CTIF: variants seen among roughly 807,000 people sequenced by gnomAD.
The protein encoded by CTIF is CBP80/20-dependent translation initiation factor.
A neutral mutation model predicts 66.0 loss-of-function variants in CTIF; 21 were observed. The observed-to-expected ratio is 0.32, with a 90% CI of 0.23 to 0.46. The LOEUF is 0.46. Among genes scored for constraint, CTIF ranks in the 20% least tolerant of loss-of-function variants. The pLI is 1.00. For missense variants in CTIF, 739 were observed against 812.7 expected, an observed-to-expected ratio of 0.91 and a Z score of 1.10; for synonymous variants, 345 against 326.4, an observed-to-expected ratio of 1.06 and a Z score of -0.62.
intron 1 of CTIF, among the ~76,000 whole-genome samples, chr18:48,607,136 T>C (rs1356232726): frequency 1.3e-5 from 2 of 152,168 alleles, no homozygotes; most frequent in Non-Finnish European, 2.9e-5. Context: ...GGAGTTTCCC[T>C]CCCTCGGGTC....
At chr18:48,620,694 G>A (rs924735122) in intron 2 of CTIF, among the ~76,000 whole-genome samples, 1 of 152,198 alleles carries the variant, frequency 6.6e-6, no homozygotes, top group African/African-American at 2.4e-5. Flanking sequence ...TGGAGTCAGG[G>A]TTCTGGGGAT....
intron 9 of CTIF, among the ~76,000 whole-genome samples, chr18:48,773,125 C>G (rs1910333373): frequency 6.6e-6 from 1 of 152,112 alleles, no homozygotes; most frequent in South Asian, 2.1e-4. Flanking sequence ...ATGTAGAGTT[C>G]CAGGATCAAT....
At chr18:48,640,219 T>C (rs2144661945) in intron 3 of CTIF, among the ~76,000 whole-genome samples, 1 of 152,294 alleles carries the variant, frequency 6.6e-6, no homozygotes, top group Admixed American at 6.5e-5. Context: ...GCTGGCTCCT[T>C]GCTGCACTCA....
chr18:48,702,863 C>T (rs1053759616), intron 6 of CTIF, among the ~76,000 whole-genome samples: 1 of 151,754 alleles, frequency 6.6e-6, no homozygotes, highest in Non-Finnish European at 1.5e-5. Context: ...GGACGTGACC[C>T]ACACATCCTG....
chr18:48,826,823 C>T (rs1445627746), intron 10 of CTIF: 2 of 152,214 alleles, frequency 1.3e-5, no homozygotes, highest in Admixed American at 6.5e-5. Flanking sequence ...AAGTTGTGAT[C>T]CTTCAGCGAA....
intron 2 of CTIF, among the ~76,000 whole-genome samples, chr18:48,624,900 T>A (rs2090566546): frequency 1.3e-5 from 2 of 152,210 alleles, no homozygotes; most frequent in South Asian, 4.1e-4. Flanking sequence ...AGAGTGAAGA[T>A]CACTTCCTAT....
chr18:48,593,792 G>A lies in CTIF; in HGVS notation c.-28-25746G>A, dbSNP rs73956941. Among the ~76,000 whole-genome samples, 439 of 151,442 alleles carry A rather than the reference G, an allele frequency of 2.9e-3. 2 individuals are homozygous for A. Among genetic ancestry groups the A allele is most frequent in the African/African-American group, 0.01 (422 of 41,240 alleles). On this transcript the variant is annotated intron_variant, in intron 1 of 11. Coordinates refer to ENST00000256413, the MANE Select transcript of CTIF (RefSeq NM_014772.3). Reference sequence around the variant, plus strand: ...TATTCTTATTTATAGATATAGGAATGAGGCCTATAGATGAAGGTGGCTGGC... The same window carrying A: ...TATTCTTATTTATAGATATAGGAATAAGGCCTATAGATGAAGGTGGCTGGC...
intron 1 of CTIF, among the ~76,000 whole-genome samples, chr18:48,583,370 G>C (rs1046776317): frequency 6.6e-6 from 1 of 152,240 alleles, no homozygotes; most frequent in African/African-American, 2.4e-5. Flanking sequence ...TTTTCTCAGA[G>C]TGTGAAGTGT....
chr18:48,806,768 C>T (rs187302268), intron 9 of CTIF, among the ~76,000 whole-genome samples: 1 of 152,264 alleles, frequency 6.6e-6, no homozygotes, highest in African/African-American at 2.4e-5. Flanking sequence ...ATGTGGTTAT[C>T]CCGAGTGGGA....
intron 1 of CTIF, among the ~76,000 whole-genome samples, chr18:48,574,031 A>T (rs11873436): frequency 0.037 from 5,582 of 152,252 alleles, 343 homozygotes; most frequent in African/African-American, 0.13. Flanking sequence ...GGGCACCCTC[A>T]GGTCTGATTT....
chr18:48,763,011 C>G (rs1419721684), intron 9 of CTIF, among the ~76,000 whole-genome samples: 1 of 152,264 alleles, frequency 6.6e-6, no homozygotes, highest in Non-Finnish European at 1.5e-5. Flanking sequence ...CCCGCACTCC[C>G]CTGGTGACGA....
chr18:48,555,331 T>C (rs1448814682), intron 1 of CTIF, among the ~76,000 whole-genome samples: 1 of 152,224 alleles, frequency 6.6e-6, no homozygotes, highest in Non-Finnish European at 1.5e-5. Flanking sequence ...GCCTGGACTG[T>C]TCACAGCCCT....
rs993573442 is a variant in CTIF, at chr18:48,862,052, A to T, written c.*2493A>T. On this transcript the variant is annotated 3_prime_UTR_variant, in exon 12 of 12. Transcript: ENST00000256413. ...GATATGGAAGGAAAACGTTAAGACT[A>T]TTTTTTTTTTAAAGAAACAACAGTC... 8 of 148,462 alleles carry T rather than the reference A, an allele frequency of 5.4e-5. No individual in the cohort carries two copies. The highest frequency in any genetic ancestry group is 1.7e-4 in the African/African-American group (7 of 40,172). 9.2% of individuals were successfully genotyped at this position (148,462 alleles called of 1,614,324 possible). A position where few individuals can be genotyped will look rare whatever the true frequency, so the allele number is the denominator to read the frequency against.
At chr18:48,631,778 T>C (rs978727635) in intron 2 of CTIF, among the ~76,000 whole-genome samples, 1 of 152,166 alleles carries the variant, frequency 6.6e-6, no homozygotes, top group Admixed American at 6.5e-5. Context: ...GTTTCCCGCC[T>C]TTCTGTTTGA....
intron 9 of CTIF, among the ~76,000 whole-genome samples, chr18:48,777,462 A>G (rs1910796195): frequency 6.6e-6 from 1 of 152,166 alleles, no homozygotes; most frequent in African/African-American, 2.4e-5. Context: ...ACCCACAGCA[A>G]GGGTCCCCTC....
chr18:48,789,348 A>G (rs2067743021), intron 9 of CTIF, among the ~76,000 whole-genome samples: 1 of 152,234 alleles, frequency 6.6e-6, no homozygotes. Context: ...TGAGGATGGT[A>G]ATAATGATTG....
intron 10 of CTIF, among the ~76,000 whole-genome samples, chr18:48,843,663 C>G (rs1017778495): frequency 2.0e-5 from 3 of 152,150 alleles, no homozygotes; most frequent in African/African-American, 7.2e-5. Context: ...GCACCCCTCC[C>G]TTATCTAGGT....
In CTIF at chr18:48,745,508, C is replaced by G. The variant is rs1324693140; in HGVS notation, c.585-12411C>G. ...TTCCATTGATGATTCTTGCTTGAAA[C>G]AATTGTTCTTATGGTGGTTGCCAAA... is the stretch of plus-strand genomic sequence containing the variant. On this transcript the variant is annotated intron_variant, in intron 7 of 11. Coordinates refer to ENST00000256413, the MANE Select transcript of CTIF (RefSeq NM_014772.3). 2.6e-5 allele frequency among the ~76,000 whole-genome samples: 4 copies of G among 152,216 alleles called. No individual in the cohort carries two copies. The East Asian group carries it at 7.7e-4, about 29-fold the overall frequency.
At chr18:48,704,935 C>A (rs1280244306) in intron 6 of CTIF, among the ~76,000 whole-genome samples, 1 of 152,196 alleles carries the variant, frequency 6.6e-6, no homozygotes, top group African/African-American at 2.4e-5. Context: ...ACATCTCGGC[C>A]CCATGTGAGG....
Sources: allele counts gnomAD v4.1 joint callset (sites outside exome capture counted in the v4.1 genomes callset), GRCh38; gene constraint gnomAD v4.1.1; transcripts MANE v1.5; gene names NCBI Gene and HGNC (gene_info 2026-07-23, HGNC 2026-07-21).